HUWE1: variants seen among roughly 807,000 people sequenced by gnomAD.
The protein encoded by HUWE1 is E3 ubiquitin-protein ligase HUWE1.
HUWE1 carries 18 observed loss-of-function variants against 299.4 expected under a neutral mutation model. The observed-to-expected ratio is 0.06, with a 90% CI of 0.04 to 0.09. The LOEUF (loss-of-function observed/expected upper bound fraction) is 0.09, where lower values mean the gene tolerates loss of function less well. HUWE1 is among the 10% of genes least tolerant of loss of function. The probability of loss-of-function intolerance (pLI) is 1.00; values close to 1 mark genes in which losing one functional copy is unlikely to be tolerated. For missense variants in HUWE1, 1,832 were observed against 3,462.3 expected, an observed-to-expected ratio of 0.53 and a Z score of 11.82; for synonymous variants, 1,317 against 1,286.1, an observed-to-expected ratio of 1.02 and a Z score of -0.51.
chrX:53,624,269 G>A (rs2066338830), intron 19 of HUWE1, among the ~76,000 whole-genome samples: 1 of 110,710 alleles, frequency 9.0e-6, no homozygotes, highest in African/African-American at 3.3e-5. Context: ...ACAGGCAGGA[G>A]CTTCCATGCC....
Position 53,573,796 on chromosome X carries a change from A to G in HUWE1, c.6266T>C (p.Ile2089Thr). 1 of 1,211,451 alleles carries G rather than the reference A, an allele frequency of 8.3e-7. No homozygotes were observed. The highest frequency in any genetic ancestry group is 1.1e-6 in the Non-Finnish European group (1 of 894,888). ...GCCCACAGTGTAGCTGTAGTTGGCA[A>G]TCAGGGTAGCAATACCAACATAGGA... ...VRSYVGIATL[I>T]ANYSYTVGQS... The change falls in exon 47 of 84, where the codon ATT (isoleucine) becomes ACT (threonine). Residue 2089 changes from isoleucine to threonine, a missense_variant. Around this residue, in one of 15 missense-constraint regions of HUWE1, gnomAD observed 157 missense variants for 252.3 expected, o/e 0.62. Coordinates refer to ENST00000262854, the MANE Select transcript of HUWE1 (RefSeq NM_031407.7).
intron 42 of HUWE1, 94 bp from the exon 43 acceptor site, chrX:53,581,120 T>C: frequency 1.4e-6 from 1 of 738,119 alleles, no homozygotes; most frequent in Non-Finnish European, 2.0e-6. Context: ...GCTTTTGATT[T>C]TGGGGAGAAT....
chrX:53,604,371 A>G (rs1464640683), intron 26 of HUWE1, among the ~76,000 whole-genome samples: 3 of 111,988 alleles, frequency 2.7e-5, no homozygotes, highest in Non-Finnish European at 5.6e-5. Context: ...TGTCTGTAAT[A>G]ACATGTTTCG....
At chrX:53,544,853 G>T (rs1397762501) in intron 71 of HUWE1, 91 bp from the exon 72 acceptor site, 6 of 930,358 alleles carry the variant, frequency 6.4e-6, no homozygotes, top group Non-Finnish European at 7.7e-6. Context: ...AACCAGAGGG[G>T]TAAGGAAACT....
intron 8 of HUWE1, 78 bp downstream of exon 8, chrX:53,634,156 CCA>C: frequency 1.3e-5 from 10 of 789,370 alleles, no homozygotes; most frequent in Admixed American, 2.2e-5. Flanking sequence ...ACTTCATATA[CCA>C]CAATTCATTG....
intron 3 of HUWE1, among the ~76,000 whole-genome samples, chrX:53,665,169 CCA>C (rs781955416): frequency 9.0e-6 from 1 of 111,392 alleles, no homozygotes; most frequent in African/African-American, 3.3e-5. Flanking sequence ...CCTACAGACA[CCA>C]GTCTCCCTAT....
At chrX:53,585,746 A>T (rs932488783) in intron 39 of HUWE1, among the ~76,000 whole-genome samples, 1 of 111,926 alleles carries the variant, frequency 8.9e-6, no homozygotes, top group Admixed American at 9.4e-5. Context: ...CAGTGACGCG[A>T]TGCCGGCTCG....
chrX:53,621,277 G>A (rs782599307), intron 19 of HUWE1, among the ~76,000 whole-genome samples: 3 of 109,871 alleles, frequency 2.7e-5, no homozygotes, highest in South Asian at 7.9e-4. Context: ...ACCTCATTTG[G>A]CTCATGGTCT....
rs2060996749 is a variant in HUWE1 at position 53,535,487 on chromosome X, T to C, written c.12546A>G (p.Gly4182=). Reference sequence around the variant, plus strand: ...GTTTGAGGTCACGAACTTCACAAACTCCAAACTCTTGGACCTAGAACAACC... The same window carrying C: ...GTTTGAGGTCACGAACTTCACAAACCCCAAACTCTTGGACCTAGAACAACC... ...LTFSTEVQEF[G]VCEVRDLKPN... Residue 4182 remains glycine, a synonymous_variant, in exon 81 of 84, where the codon GGA becomes GGG. Coordinates refer to ENST00000262854, the MANE Select transcript of HUWE1 (RefSeq NM_031407.7). 1 of 1,192,484 alleles carries C rather than the reference T, an allele frequency of 8.4e-7. No homozygotes were observed. The highest frequency in any genetic ancestry group is 3.0e-5 in the East Asian group (1 of 33,749).
chrX:53,617,380 C>T lies in HUWE1; in HGVS notation c.1739G>A (p.Gly580Glu). The change falls in exon 20 of 84, where the codon GGA becomes GAA. Residue 580 changes from glycine to glutamate, a missense_variant. By Grantham distance (98) the Gly-to-Glu change is moderately conservative. Around this residue, in one of 15 missense-constraint regions of HUWE1, gnomAD observed 658 missense variants for 1,282.6 expected, o/e 0.51. Transcript: ENST00000262854. ...PSLLSSLQDN[G>E]LTDVMLHALL... ...TGCATGCAGCATGACATCTGTCAAT[C>T]CATTGTCCTGGAGTGAGGAGAGCAG... The T allele has an allele frequency of 3.3e-6, 4 of 1,200,002 alleles. No individual in the cohort carries two copies. Among genetic ancestry groups the T allele is most frequent in the Non-Finnish European group, 4.5e-6 (4 of 886,266 alleles).
Position 53,545,178 on chromosome X carries a change from G to A in HUWE1, c.10916-17C>T. The A allele has an allele frequency of 1.7e-6, 2 of 1,207,917 alleles. No homozygotes were observed. The highest frequency in any genetic ancestry group is 2.5e-4 in the Middle Eastern group (1 of 4,026). ...GCAGGGTACCTGAGCAGGCAGAGGA[G>A]TCAGCAAGTGTTCAGAGACTCCCCT... On this transcript the variant is annotated splice_polypyrimidine_tract_variant and intron_variant, in intron 70 of 83. Coordinates refer to ENST00000262854, the MANE Select transcript of HUWE1 (RefSeq NM_031407.7).
At chrX:53,576,793 T>A (rs1414331286) in intron 44 of HUWE1, 107 bp downstream of exon 44, 1 of 749,554 alleles carries the variant, frequency 1.3e-6, no homozygotes, top group Non-Finnish European at 2.1e-6. Flanking sequence ...AGCCCCAGAG[T>A]ATGGGCACAT....
chrX:53,589,114 AG>A (rs2064013813), intron 36 of HUWE1, among the ~76,000 whole-genome samples: 1 of 95,661 alleles, frequency 1.0e-5, no homozygotes, highest in South Asian at 5.2e-4. Context: ...TGGGGATTTA[AG>A]GTAATTCCTT....
At chrX:53,592,997 T>G (rs1312565560) in intron 32 of HUWE1, among the ~76,000 whole-genome samples, 1 of 112,050 alleles carries the variant, frequency 8.9e-6, no homozygotes, top group African/African-American at 3.2e-5. Context: ...CACTTAACCT[T>G]CCGCCATGAC....
chrX:53,575,436 GA>G (rs1163885789), intron 45 of HUWE1, among the ~76,000 whole-genome samples: 1 of 109,823 alleles, frequency 9.1e-6, no homozygotes, highest in South Asian at 3.9e-4. Context: ...AAAGGGAAAA[GA>G]AAAAAAATTA....
chrX:53,595,467 A>G lies in HUWE1; in HGVS notation c.3164-64T>C, dbSNP rs186238551. The G allele has an allele frequency of 7.2e-4, 627 of 866,533 alleles. 3 individuals are homozygous for G. In the East Asian group the frequency reaches 0.018, roughly 26 times the overall value. 71.4% of individuals were successfully genotyped at this position (866,533 alleles called of 1,213,427 possible). On this transcript the variant is annotated intron_variant, in intron 29 of 83. Transcript: ENST00000262854. ...TCAGAATGGTTTAATTACAACAGAC[A>G]TATTACCATTAACATATTTTTATGA...
At chrX:53,534,282 T>C in intron 82 of HUWE1, 85 bp from the exon 83 acceptor site, 1 of 876,688 alleles carries the variant, frequency 1.1e-6, no homozygotes, top group Non-Finnish European at 1.7e-6. Context: ...GAAACAGGAC[T>C]GGACTTGGTA....
chrX:53,569,609 A>C lies in HUWE1; in HGVS notation c.6524+7T>G, dbSNP rs377445584. The C allele has an allele frequency of 2.5e-6, 3 of 1,201,892 alleles. No homozygotes were observed. The highest frequency in any genetic ancestry group is 3.0e-5 in the East Asian group (1 of 33,762). The stretch of plus-strand genomic sequence containing the variant: ...GCTATTAGCCCTGGGACAGGTATGA[A>C]TCTTACCTGGCATGTTTCTCTGTAC... On this transcript the variant is annotated splice_region_variant and intron_variant, in intron 48 of 83. Transcript: ENST00000262854.
rs1407766179 is a variant in HUWE1 at position 53,533,309 on chromosome X, T to C, written c.13125A>G (p.Ter4375=). The change falls in exon 84 of 84, where the codon TAA becomes TAG. Residue 4375 remains the stop codon, a stop_retained_variant. Transcript: ENST00000262854. The stretch of plus-strand genomic sequence containing the variant: ...CCCCACGGAGTTGGGCAGGGCCTTA[T>C]TAGGCCAGCCCAAAGCCTTCAGAGC... The part of the protein sequence containing the change: ...QECSEGFGLA[*] The C allele has an allele frequency of 5.9e-6, 7 of 1,185,230 alleles. No homozygotes were observed. The highest frequency in any genetic ancestry group is 1.8e-5 in the African/African-American group (1 of 56,537).
Sources: gnomAD v4.1 joint callset for allele counts (sites outside exome capture counted in the v4.1 genomes callset) on GRCh38, gnomAD v4.1.1 for gene constraint, gnomAD v4.1.1 regional missense constraint, MANE v1.5 for transcripts, NCBI Gene and HGNC (gene_info 2026-07-23, HGNC 2026-07-21) for gene names.